Variants in ENOX1 observed in about 807,000 individuals in gnomAD.
ENOX1 encodes candidate growth-related and time keeping constitutive hydroquinone (NADH) oxidase.
A neutral mutation model predicts 82.5 loss-of-function variants in ENOX1; 42 were observed. That is an observed-to-expected ratio of 0.51 (90% CI 0.40 to 0.66). The LOEUF is 0.66. ENOX1 is among the 30% of genes least tolerant of loss of function. The pLI, the probability that ENOX1 is intolerant of heterozygous loss-of-function variation, is 0.00. For missense variants in ENOX1, 608 were observed against 811.6 expected (o/e 0.75, Z 3.05); for synonymous variants, 271 against 282.2 (o/e 0.96, Z 0.40).
At chr13:43,273,683 A>C (rs1359464492) in intron 12 of ENOX1, among the ~76,000 whole-genome samples, 1 of 151,898 alleles carries the variant, frequency 6.6e-6, no homozygotes, top group Non-Finnish European at 1.5e-5. Flanking sequence ...ATTCCCACTT[A>C]CCCCTTTGGC....
At chr13:43,531,366 A>G (rs1421205997) in intron 2 of ENOX1, among the ~76,000 whole-genome samples, 4 of 152,160 alleles carry the variant, frequency 2.6e-5, no homozygotes, top group Admixed American at 2.0e-4. Flanking sequence ...AATCAAAACC[A>G]CAATGAGACA....
At chr13:43,615,042 G>A (rs2082349051) in intron 2 of ENOX1, among the ~76,000 whole-genome samples, 1 of 152,032 alleles carries the variant, frequency 6.6e-6, no homozygotes, top group South Asian at 2.1e-4. Context: ...GTGGGGGATG[G>A]GGAAGTGGTA....
chr13:43,288,800 T>C (rs979075611), intron 12 of ENOX1, among the ~76,000 whole-genome samples: 4 of 152,156 alleles, frequency 2.6e-5, no homozygotes, highest in South Asian at 2.1e-4. Context: ...AAACTTTCTA[T>C]CTTTAGTTTT....
At chr13:43,673,652 A>C (rs2153792264) in intron 1 of ENOX1, among the ~76,000 whole-genome samples, 1 of 152,326 alleles carries the variant, frequency 6.6e-6, no homozygotes, top group South Asian at 2.1e-4. Flanking sequence ...GGCTACAAAC[A>C]CTGGCTGGAC....
chr13:43,506,020 A>AT (rs2077147041), intron 2 of ENOX1, among the ~76,000 whole-genome samples: 1 of 152,032 alleles, frequency 6.6e-6, no homozygotes, highest in South Asian at 2.1e-4. Flanking sequence ...TCTTTTCCCC[A>AT]TTTTTTGTTT....
intron 2 of ENOX1, among the ~76,000 whole-genome samples, chr13:43,520,906 T>C (rs2077739996): frequency 6.6e-6 from 1 of 152,154 alleles, no homozygotes; most frequent in African/African-American, 2.4e-5. Context: ...AACAATATGA[T>C]TCTTCCAACT....
At chr13:43,752,634 C>T (rs1950382461) in intron 1 of ENOX1, among the ~76,000 whole-genome samples, 1 of 152,148 alleles carries the variant, frequency 6.6e-6, no homozygotes, top group Non-Finnish European at 1.5e-5. Context: ...TTAATCCTTT[C>T]TCCACTGAAT....
rs71202257 is a variant in ENOX1 at position 43,275,573 on chromosome 13, AACAC to A, written c.1447-6000_1447-5997del. ...ATAGATATAGACAGTGACTGACACC[AACAC>A]ACACACACACACACACACACACATA... On this transcript the variant is annotated intron_variant, in intron 12 of 16. Transcript: ENST00000690772. 2.2e-3 allele frequency among the ~76,000 whole-genome samples: 335 copies of A among 148,954 alleles called. 1 individual carries two copies. Among genetic ancestry groups the A allele is most frequent in the African/African-American group, 6.1e-3 (247 of 40,566 alleles).
chr13:43,597,684 C>G (rs973061009), intron 2 of ENOX1, among the ~76,000 whole-genome samples: 1 of 152,188 alleles, frequency 6.6e-6, no homozygotes, highest in African/African-American at 2.4e-5. Flanking sequence ...TCAGACATGT[C>G]ACTCTTCTGC....
At chr13:43,372,851 G>A (rs1157999647) in intron 5 of ENOX1, among the ~76,000 whole-genome samples, 1 of 152,092 alleles carries the variant, frequency 6.6e-6, no homozygotes, top group East Asian at 1.9e-4. Flanking sequence ...AAGTAAGTCA[G>A]AGGGAGAGAC....
intron 12 of ENOX1, among the ~76,000 whole-genome samples, chr13:43,298,003 T>C (rs1182615979): frequency 6.6e-6 from 1 of 152,238 alleles, no homozygotes; most frequent in Admixed American, 6.5e-5. Flanking sequence ...GCTTTGAAGT[T>C]AAAAGTTCTA....
intron 2 of ENOX1, among the ~76,000 whole-genome samples, chr13:43,617,997 AT>A (rs36031315): frequency 6.6e-6 from 1 of 151,964 alleles, no homozygotes; most frequent in Non-Finnish European, 1.5e-5. Context: ...GATGTTAGGC[AT>A]TTTTTCATGT....
At chr13:43,586,015 T>C (rs1186976603) in intron 2 of ENOX1, among the ~76,000 whole-genome samples, 1 of 152,264 alleles carries the variant, frequency 6.6e-6, no homozygotes, top group Non-Finnish European at 1.5e-5. Flanking sequence ...GAAATATTTA[T>C]CATTTCTTTA....
chr13:43,682,850 AAAAG>A (rs1199261532), intron 1 of ENOX1, among the ~76,000 whole-genome samples: 1 of 152,216 alleles, frequency 6.6e-6, no homozygotes, highest in Non-Finnish European at 1.5e-5. Context: ...AAAATTCTGT[AAAAG>A]AAAAAAAGGC....
intron 2 of ENOX1, among the ~76,000 whole-genome samples, chr13:43,581,516 A>G (rs1265875440): frequency 6.6e-6 from 1 of 152,206 alleles, no homozygotes; most frequent in South Asian, 2.1e-4. Context: ...TCCATTTCTT[A>G]CATATACAAT....
intron 10 of ENOX1, among the ~76,000 whole-genome samples, chr13:43,325,765 A>G (rs1430182041): frequency 6.6e-6 from 1 of 152,202 alleles, no homozygotes; most frequent in Non-Finnish European, 1.5e-5. Context: ...TACTCTGTGG[A>G]GTTAAAAATA....
chr13:43,514,469 T>G (rs1217137187), intron 2 of ENOX1, among the ~76,000 whole-genome samples: 1 of 152,170 alleles, frequency 6.6e-6, no homozygotes, highest in East Asian at 1.9e-4. Context: ...AACTTGTACT[T>G]GTAGCCAAAC....
chr13:43,471,476 AG>A (rs2058064093), intron 3 of ENOX1, among the ~76,000 whole-genome samples: 1 of 152,190 alleles, frequency 6.6e-6, no homozygotes, highest in African/African-American at 2.4e-5. Context: ...CACACGTTCA[AG>A]TATTTAGGAG....
At chr13:43,214,458 C>G (rs559716037) in intron 16 of ENOX1, among the ~76,000 whole-genome samples, 1 of 152,232 alleles carries the variant, frequency 6.6e-6, no homozygotes, top group South Asian at 2.1e-4. Flanking sequence ...CCCAGCAAAT[C>G]CATCACCACT....
Sources: allele counts gnomAD v4.1 joint callset (sites outside exome capture counted in the v4.1 genomes callset), GRCh38; gene constraint gnomAD v4.1.1; transcripts MANE v1.5; gene names NCBI Gene and HGNC (gene_info 2026-07-23, HGNC 2026-07-21).